Variants in CTNNA2 observed in about 807,000 individuals in gnomAD.
The protein encoded by CTNNA2 is catenin alpha-2.
Under a neutral mutation model 101.0 loss-of-function variants are expected in CTNNA2, and 42 were observed. That is an observed-to-expected ratio of 0.42 (90% CI 0.32 to 0.54). The LOEUF (loss-of-function observed/expected upper bound fraction) is 0.54. Ranked by LOEUF, CTNNA2 falls within the 20% of genes least tolerant of loss-of-function variation. The pLI is 0.14. For synonymous variants in CTNNA2, 450 were observed against 456.4 expected (o/e 0.99, Z 0.18); for missense variants, 871 against 1,223.1 (o/e 0.71, Z 4.29).
intron 4 of CTNNA2, among the ~76,000 whole-genome samples, chr2:79,468,793 G>A (rs1303071837): frequency 2.0e-5 from 3 of 152,092 alleles, no homozygotes; most frequent in Admixed American, 6.6e-5. Context: ...GGTACATAAC[G>A]AAATGAAGGC....
upstream of CTNNA2, among the ~76,000 whole-genome samples, chr2:79,512,284 C>T (rs1419390307): frequency 6.6e-6 from 1 of 152,134 alleles, no homozygotes; most frequent in African/African-American, 2.4e-5. Flanking sequence ...CAAGTAATAT[C>T]CACTGAATCA....
At chr2:79,573,029 T>A (rs1675556585) in intron 1 of CTNNA2, among the ~76,000 whole-genome samples, 4 of 152,210 alleles carry the variant, frequency 2.6e-5, no homozygotes, top group South Asian at 4.1e-4. Context: ...ACTTTTGTCT[T>A]GATCAAAACA....
chr2:79,506,035 A>G (rs1435715385), intron 5 of CTNNA2, among the ~76,000 whole-genome samples: 1 of 152,214 alleles, frequency 6.6e-6, no homozygotes, highest in Non-Finnish European at 1.5e-5. Flanking sequence ...ATAATACACA[A>G]TGTAAACAGG....
chr2:79,444,032 G>T (rs978175433), intron 4 of CTNNA2, among the ~76,000 whole-genome samples: 1 of 151,526 alleles, frequency 6.6e-6, no homozygotes, highest in Non-Finnish European at 1.5e-5. Flanking sequence ...AAGAACTGAG[G>T]TTCTCAGGCC....
intron 3 of CTNNA2, among the ~76,000 whole-genome samples, chr2:79,816,301 A>T (rs1361386214): frequency 6.6e-6 from 1 of 151,968 alleles, no homozygotes; most frequent in Non-Finnish European, 1.5e-5. Context: ...GTTGAAGAGG[A>T]GTGATGAGAG....
In CTNNA2 at chr2:79,942,986, G is replaced by T. The variant is rs911150587; in HGVS notation, c.1056+33189G>T. Among the ~76,000 whole-genome samples the T allele has an allele frequency of 3.3e-5, 5 of 152,094 alleles. No individual in the cohort carries two copies. The South Asian group carries it at 1.0e-3, about 32-fold the overall frequency. On this transcript the variant is annotated intron_variant, in intron 7 of 18. Transcript: ENST00000402739. ...AATCCCAGCGCTTTGAGAGGCCGAG[G>T]TGGGTGGATCACCTGAGGTCAGAAG...
chr2:79,766,531 G>A (rs1673170652), intron 3 of CTNNA2, among the ~76,000 whole-genome samples: 1 of 152,036 alleles, frequency 6.6e-6, no homozygotes, highest in Non-Finnish European at 1.5e-5. Context: ...AAATCTGCTT[G>A]GTATTCTGTA....
At chr2:79,293,128 C>T (rs747904929) in intron 2 of CTNNA2, 3 of 152,208 alleles carry the variant, frequency 2.0e-5, no homozygotes, top group South Asian at 4.1e-4. Context: ...TCTGGTGGGT[C>T]TTTCTTGAGT....
At chr2:79,830,254 T>C (rs1678825917) in intron 3 of CTNNA2, among the ~76,000 whole-genome samples, 1 of 152,078 alleles carries the variant, frequency 6.6e-6, no homozygotes, top group South Asian at 2.1e-4. Context: ...TAGAGTGCAT[T>C]TGTCTTCTGC....
intron 7 of CTNNA2, among the ~76,000 whole-genome samples, chr2:80,057,759 C>A (rs17339877): frequency 0.036 from 5,411 of 152,190 alleles, 156 homozygotes; most frequent in Admixed American, 0.098. Context: ...GACTTGAACT[C>A]CTGAGAAAGC....
chr2:80,646,508 A>T (rs1156646837), intron 18 of CTNNA2, among the ~76,000 whole-genome samples: 2 of 151,996 alleles, frequency 1.3e-5, no homozygotes, highest in Non-Finnish European at 2.9e-5. Flanking sequence ...TTTGAGCCTC[A>T]CCAATCCTGA....
chr2:80,598,917 G>A (rs1697228382), intron 15 of CTNNA2, among the ~76,000 whole-genome samples: 1 of 152,156 alleles, frequency 6.6e-6, no homozygotes. Flanking sequence ...TGTGGTAATA[G>A]TACGGTTCTG....
intron 3 of CTNNA2, among the ~76,000 whole-genome samples, chr2:79,835,888 C>T (rs1679329831): frequency 6.6e-6 from 1 of 151,916 alleles, no homozygotes; most frequent in Non-Finnish European, 1.5e-5. Flanking sequence ...GCCTCGGCAT[C>T]CCAAAGTGTC....
intron 9 of CTNNA2, among the ~76,000 whole-genome samples, chr2:80,501,548 G>A (rs911129581): frequency 1.3e-5 from 2 of 152,104 alleles, no homozygotes; most frequent in Non-Finnish European, 2.9e-5. Flanking sequence ...ATTAAATAAG[G>A]TAAAATAACA....
chr2:80,384,842 A>C (rs1049390421), intron 7 of CTNNA2, among the ~76,000 whole-genome samples: 11 of 152,008 alleles, frequency 7.2e-5, no homozygotes, highest in Admixed American at 1.3e-4. Context: ...CCTGATACCC[A>C]CCACTCTGCT....
chr2:80,459,164 G>T (rs1684220667), intron 9 of CTNNA2, among the ~76,000 whole-genome samples: 1 of 152,066 alleles, frequency 6.6e-6, no homozygotes, highest in African/African-American at 2.4e-5. Flanking sequence ...GTAAGTACAC[G>T]CTATCATGTT....
intron 4 of CTNNA2, among the ~76,000 whole-genome samples, chr2:79,388,369 C>T (rs1210301437): frequency 2.6e-5 from 4 of 152,100 alleles, no homozygotes; most frequent in Non-Finnish European, 5.9e-5. Flanking sequence ...GTTATCGATT[C>T]GCTGGCCAGA....
At chr2:80,111,608 T>G (rs1430664224) in intron 7 of CTNNA2, among the ~76,000 whole-genome samples, 1 of 152,166 alleles carries the variant, frequency 6.6e-6, no homozygotes, top group Non-Finnish European at 1.5e-5. Flanking sequence ...GTGGCAAGAT[T>G]ATGGCTCACT....
intron 7 of CTNNA2, among the ~76,000 whole-genome samples, chr2:80,006,688 G>A (rs1332055171): frequency 6.6e-6 from 1 of 152,182 alleles, no homozygotes; most frequent in Non-Finnish European, 1.5e-5. Flanking sequence ...TCCAGGATGG[G>A]TGTGGATGCT....
Sources: gnomAD v4.1 joint callset for allele counts (sites outside exome capture counted in the v4.1 genomes callset) on GRCh38, gnomAD v4.1.1 for gene constraint, MANE v1.5 for transcripts, NCBI Gene and HGNC (gene_info 2026-07-23, HGNC 2026-07-21) for gene names.